Variants in SGCD observed in about 807,000 individuals in gnomAD.
SGCD encodes the protein delta-sarcoglycan.
A neutral mutation model predicts 36.6 loss-of-function variants in SGCD; 18 were observed. The observed-to-expected ratio is 0.49, with a 90% CI of 0.34 to 0.73. The LOEUF (loss-of-function observed/expected upper bound fraction) is 0.73. SGCD is among the 30% of genes least tolerant of loss of function. The probability of loss-of-function intolerance (pLI) is 0.01; values close to 1 mark genes in which losing one functional copy is unlikely to be tolerated. For synonymous variants in SGCD, 133 were observed against 130.6 expected, an observed-to-expected ratio of 1.02 and a Z score of -0.12; for missense variants, 387 against 346.7, an observed-to-expected ratio of 1.12 and a Z score of -0.92.
intron 1 of SGCD, among the ~76,000 whole-genome samples, chr5:156,116,259 T>TTTAA (rs1430108665): frequency 1.3e-5 from 2 of 152,126 alleles, no homozygotes; most frequent in Non-Finnish European, 2.9e-5. Context: ...ATCTCATAGA[T>TTTAA]TTAAATATAT....
intron 3 of SGCD, among the ~76,000 whole-genome samples, chr5:156,145,180 G>T (rs933894971): frequency 1.6e-4 from 25 of 152,274 alleles, no homozygotes; most frequent in Admixed American, 1.4e-3. Flanking sequence ...TACTGTTATT[G>T]TGATAGTGAG....
At chr5:156,448,187 C>T (rs374620683) in intron 3 of SGCD, among the ~76,000 whole-genome samples, 3 of 152,188 alleles carry the variant, frequency 2.0e-5, no homozygotes, top group South Asian at 4.1e-4. Context: ...GCACTACTAT[C>T]ATTAGATGGT....
At chr5:156,375,246 A>G (rs570571993) in intron 3 of SGCD, among the ~76,000 whole-genome samples, 3 of 152,274 alleles carry the variant, frequency 2.0e-5, no homozygotes, top group African/African-American at 7.2e-5. Context: ...AAATACTTCA[A>G]TGTGTATTTC....
intron 6 of SGCD, among the ~76,000 whole-genome samples, chr5:156,606,417 G>GTAC (rs1486371426): frequency 6.6e-6 from 1 of 152,048 alleles, no homozygotes; most frequent in Admixed American, 6.6e-5. Context: ...CTCTGTTTTG[G>GTAC]TACCAGTACC....
chr5:156,483,525 T>C (rs1755530238), intron 3 of SGCD, among the ~76,000 whole-genome samples: 1 of 152,172 alleles, frequency 6.6e-6, no homozygotes, highest in Non-Finnish European at 1.5e-5. Flanking sequence ...ATTTTTGCAT[T>C]TGTGCATCGA....
intron 3 of SGCD, among the ~76,000 whole-genome samples, chr5:156,261,220 G>C (rs182011222): frequency 3.5e-4 from 53 of 152,276 alleles, no homozygotes; most frequent in African/African-American, 1.3e-3. Context: ...TATTAAGATT[G>C]TGGATGTGAA....
chr5:156,233,935 T>C (rs1315818414), intron 3 of SGCD, among the ~76,000 whole-genome samples: 1 of 152,176 alleles, frequency 6.6e-6, no homozygotes, highest in Non-Finnish European at 1.5e-5. Context: ...AAATGTGTTG[T>C]TTTTTCTCAA....
chr5:155,730,628 C>A, the SGCD span, among the ~76,000 whole-genome samples: 1 of 152,158 alleles, frequency 6.6e-6, no homozygotes, highest in Non-Finnish European at 1.5e-5. Flanking sequence ...CCAGCACACA[C>A]TTGGCGCTGC....
chr5:155,959,158 C>A (rs1056125313), intron 1 of SGCD, among the ~76,000 whole-genome samples: 33 of 152,140 alleles, frequency 2.2e-4, no homozygotes, highest in African/African-American at 8.0e-4. Context: ...TTTATAGGTA[C>A]CTGGCATAAT....
At chr5:156,602,758 T>A (rs985928418) in intron 6 of SGCD, among the ~76,000 whole-genome samples, 1 of 152,220 alleles carries the variant, frequency 6.6e-6, no homozygotes, top group Non-Finnish European at 1.5e-5. Flanking sequence ...GATTTGCTGA[T>A]GGTAAACCAT....
At chr5:155,972,771 A>G (rs568507517) in intron 1 of SGCD, among the ~76,000 whole-genome samples, 126 of 152,306 alleles carry the variant, frequency 8.3e-4, no homozygotes, top group African/African-American at 3.0e-3. Context: ...TCTGAAAGAC[A>G]AAACAATTTT....
chr5:156,431,446 G>A (rs923362747), intron 3 of SGCD, among the ~76,000 whole-genome samples: 7 of 152,240 alleles, frequency 4.6e-5, no homozygotes, highest in Non-Finnish European at 8.8e-5. Context: ...TGGTGTGCCA[G>A]AGGGGAACAA....
In SGCD at chr5:156,019,798, A is replaced by T. The variant is rs918354621; in HGVS notation, c.-281-98080A>T. Among the ~76,000 whole-genome samples the T allele has an allele frequency of 4.6e-5, 7 of 152,232 alleles. No individual in the cohort carries two copies. The South Asian group carries it at 1.5e-3, about 32-fold the overall frequency. On this transcript the variant is annotated intron_variant, in intron 1 of 9. Coordinates refer to the SGCD transcript ENST00000517913. The stretch of plus-strand genomic sequence containing the variant: ...TGACCATCCATAATGTGCGGTAGTG[A>T]TCGTATTATTTCTTTCTTCACTAAT...
At chr5:155,774,047 C>T in the SGCD span, among the ~76,000 whole-genome samples, 3 of 152,142 alleles carry the variant, frequency 2.0e-5, no homozygotes. Flanking sequence ...AATTATGCCT[C>T]CCCTCTCAAG....
chr5:155,944,047 A>C (rs1391131549), intron 1 of SGCD, among the ~76,000 whole-genome samples: 1 of 152,170 alleles, frequency 6.6e-6, no homozygotes, highest in African/African-American at 2.4e-5. Flanking sequence ...CAGCCCTGCA[A>C]GTATTTGAAG....
chr5:156,588,690 G>A lies in SGCD; in HGVS notation c.295-541G>A, dbSNP rs150432300. ...GAAAACGGAGGCAGAAGCATACTTG[G>A]GGACATCAGATCTCCTGGGTTTTGT... On this transcript the variant is annotated intron_variant, in intron 4 of 8. Transcript: ENST00000337851. Among the ~76,000 whole-genome samples, 1,080 of 152,292 alleles carry A rather than the reference G, an allele frequency of 7.1e-3. 11 individuals carry two copies. The highest frequency in any genetic ancestry group is 6.8e-3 in the South Asian group (33 of 4,818).
At chr5:156,340,590 C>A (rs902075411) in intron 2 of SGCD, among the ~76,000 whole-genome samples, 1 of 152,128 alleles carries the variant, frequency 6.6e-6, no homozygotes, top group Non-Finnish European at 1.5e-5. Flanking sequence ...AGAGCTAACA[C>A]GAGGGGAAGT....
intron 3 of SGCD, among the ~76,000 whole-genome samples, chr5:156,444,750 C>A (rs1046502959): frequency 6.6e-6 from 1 of 152,080 alleles, no homozygotes; most frequent in Non-Finnish European, 1.5e-5. Context: ...GAAGGACATT[C>A]AGCATGAAAA....
At chr5:156,095,203 AT>A (rs1761345854) in intron 1 of SGCD, among the ~76,000 whole-genome samples, 2 of 152,192 alleles carry the variant, frequency 1.3e-5, no homozygotes, top group Non-Finnish European at 2.9e-5. Flanking sequence ...GTTGTTTGCA[AT>A]CCCAAGAGGT....
Sources: gnomAD v4.1 joint callset for allele counts (sites outside exome capture counted in the v4.1 genomes callset) on GRCh38, gnomAD v4.1.1 for gene constraint, MANE v1.5 for transcripts, NCBI Gene and HGNC (gene_info 2026-07-23, HGNC 2026-07-21) for gene names.